PAN3: variants seen among roughly 807,000 people sequenced by gnomAD.
PAN3 encodes PAN2-PAN3 deadenylation complex subunit PAN3.
Under a neutral mutation model 96.2 loss-of-function variants are expected in PAN3, and 19 were observed. That is an observed-to-expected ratio of 0.20 (90% CI 0.14 to 0.29). The LOEUF is 0.29. Ranked by LOEUF, PAN3 falls within the 10% of genes least tolerant of loss-of-function variation. The pLI, the probability that PAN3 is intolerant of heterozygous loss-of-function variation, is 1.00. For missense variants in PAN3, 882 were observed against 1,108.1 expected (o/e 0.80, Z 2.90); for synonymous variants, 433 against 406.6 (o/e 1.06, Z -0.78).
At chr13:28,256,260 T>C in intron 6 of PAN3, 32 bp from the exon 7 acceptor site, 3 of 1,590,082 alleles carry the variant, frequency 1.9e-6, no homozygotes, top group Non-Finnish European at 2.6e-6. Context: ...CAATTATTGC[T>C]CCATTAAGAA....
intron 17 of PAN3, among the ~76,000 whole-genome samples, chr13:28,281,856 T>C (rs1887498752): frequency 6.6e-6 from 1 of 151,098 alleles, no homozygotes; most frequent in Admixed American, 6.6e-5. Context: ...CTGCAACCTC[T>C]GCCTCCCAGG....
intron 9 of PAN3, among the ~76,000 whole-genome samples, chr13:28,263,951 GC>G (rs1176259555): frequency 6.6e-6 from 1 of 152,010 alleles, no homozygotes; most frequent in East Asian, 1.9e-4. Context: ...AACAAACACC[GC>G]CCTATGTTTC....
chr13:28,256,186 C>T, intron 6 of PAN3, 106 bp from the exon 7 acceptor site: 3 of 1,228,112 alleles, frequency 2.4e-6, no homozygotes, highest in Non-Finnish European at 3.4e-6. Flanking sequence ...ACTTACGATC[C>T]CAAAGATGAT....
At chr13:28,168,735 G>A (rs1027570226) in intron 1 of PAN3, among the ~76,000 whole-genome samples, 1 of 151,368 alleles carries the variant, frequency 6.6e-6, no homozygotes, top group Non-Finnish European at 1.5e-5. Context: ...GAAGTGTATT[G>A]TGGCTGGATG....
At chr13:28,228,634 T>C (rs1882237402) in intron 6 of PAN3, among the ~76,000 whole-genome samples, 1 of 152,178 alleles carries the variant, frequency 6.6e-6, no homozygotes, top group African/African-American at 2.4e-5. Context: ...TAGTAGTCAT[T>C]TGGTGGGGGT....
At chr13:28,201,616 T>C (rs759270756) in intron 5 of PAN3, among the ~76,000 whole-genome samples, 1 of 152,002 alleles carries the variant, frequency 6.6e-6, no homozygotes, top group Non-Finnish European at 1.5e-5. Context: ...CCTAGGCTGA[T>C]TTTGAACTCC....
chr13:28,261,500 A>T, intron 9 of PAN3, 42 bp downstream of exon 9: 1 of 1,551,316 alleles, frequency 6.4e-7, no homozygotes, highest in South Asian at 1.1e-5. Flanking sequence ...AAAGGCTGTT[A>T]TAATTCTTAC....
intron 6 of PAN3, among the ~76,000 whole-genome samples, chr13:28,240,339 G>A (rs981555984): frequency 2.5e-4 from 38 of 152,258 alleles, no homozygotes; most frequent in African/African-American, 8.9e-4. Context: ...TAATTATACA[G>A]GGATACAGTG....
At position 28,256,521 on chromosome 13, in the gene PAN3, A is replaced by G. The variant is rs190891603; in HGVS notation, c.1230A>G (p.Pro410=). 180 of 1,613,736 alleles carry G rather than the reference A, an allele frequency of 1.1e-4. No homozygotes were observed. The East Asian group carries it at 3.9e-3, about 35-fold the overall frequency. ...CTTACTTCTATACAGACACAACTCC[A>G]GCACCTTTGACTGGAATGGTATGTC... The part of the protein sequence containing the change: ...GTTYFYTDTT[P]APLTGMVFPN... Residue 410 remains proline (P), a synonymous_variant, in exon 7 of 19, where the codon CCA becomes CCG. Coordinates refer to ENST00000380958, the MANE Select transcript of PAN3 (RefSeq NM_175854.8).
intron 2 of PAN3, 75 bp from the exon 3 acceptor site, chr13:28,176,418 G>T: frequency 7.6e-7 from 1 of 1,316,826 alleles, no homozygotes; most frequent in Non-Finnish European, 1.1e-6. Context: ...AGCAAAGAGA[G>T]CCAGTCTTAA....
chr13:28,213,139 C>T (rs1054616387), intron 5 of PAN3, among the ~76,000 whole-genome samples: 6 of 151,904 alleles, frequency 3.9e-5, no homozygotes, highest in Admixed American at 2.0e-4. Flanking sequence ...AGAAAAAAAA[C>T]CCAAACACCA....
intron 6 of PAN3, among the ~76,000 whole-genome samples, chr13:28,243,578 A>G: frequency 6.6e-6 from 1 of 152,202 alleles, no homozygotes. Flanking sequence ...TTTATATTCC[A>G]CACAGCCTTT....
chr13:28,272,116 A>C (rs1175454835), intron 14 of PAN3, 45 bp downstream of exon 14: 1 of 1,350,902 alleles, frequency 7.4e-7, no homozygotes, highest in Admixed American at 2.2e-5. Flanking sequence ...TCCTTTATTA[A>C]AGACAAATTT....
chr13:28,231,515 T>G (rs1882558574), intron 6 of PAN3, among the ~76,000 whole-genome samples: 1 of 152,242 alleles, frequency 6.6e-6, no homozygotes, highest in Non-Finnish European at 1.5e-5. Context: ...GCTTACAGTA[T>G]TTCTAATACC....
intron 4 of PAN3, among the ~76,000 whole-genome samples, chr13:28,181,703 G>T (rs1484517986): frequency 2.0e-5 from 3 of 152,102 alleles, no homozygotes; most frequent in Non-Finnish European, 2.9e-5. Flanking sequence ...TGTCTGTTAG[G>T]AGATAAACAC....
intron 15 of PAN3, 29 bp from the exon 16 acceptor site, chr13:28,280,383 C>T (rs1317072283): frequency 2.5e-6 from 4 of 1,583,184 alleles, no homozygotes; most frequent in African/African-American, 1.4e-5. Context: ...TGTTGGACAT[C>T]CAAGTAATTC....
At chr13:28,209,517 A>G (rs992512509) in intron 5 of PAN3, among the ~76,000 whole-genome samples, 1 of 152,174 alleles carries the variant, frequency 6.6e-6, no homozygotes, top group African/African-American at 2.4e-5. Context: ...TCAACTCATA[A>G]TTTTTAATAG....
chr13:28,193,214 A>G (rs1280752117), intron 4 of PAN3, among the ~76,000 whole-genome samples: 1 of 152,182 alleles, frequency 6.6e-6, no homozygotes, highest in Non-Finnish European at 1.5e-5. Flanking sequence ...TACACAGAGA[A>G]GATTTTACTT....
chr13:28,278,350 GT>G, intron 15 of PAN3, among the ~76,000 whole-genome samples: 1 of 152,228 alleles, frequency 6.6e-6, no homozygotes, highest in South Asian at 2.1e-4. Context: ...AAAAATACTT[GT>G]TTTATATATG....
Sources: gnomAD v4.1 joint callset for allele counts (sites outside exome capture counted in the v4.1 genomes callset) on GRCh38, gnomAD v4.1.1 for gene constraint, MANE v1.5 for transcripts, NCBI Gene and HGNC (gene_info 2026-07-23, HGNC 2026-07-21) for gene names.